NAALADL2: variants seen among roughly 807,000 people sequenced by gnomAD.
The protein encoded by NAALADL2 is N-acetylated alpha-linked acidic dipeptidase like 2.
Under a neutral mutation model 87.2 loss-of-function variants are expected in NAALADL2, and 76 were observed. The observed-to-expected ratio is 0.87, with a 90% confidence interval of 0.72 to 1.05. The LOEUF (loss-of-function observed/expected upper bound fraction) is 1.05. Ranked by LOEUF, NAALADL2 falls within the 50% of genes least tolerant of loss-of-function variation. NAALADL2 has a pLI of 0.00. For synonymous variants in NAALADL2, 354 were observed against 331.0 expected (o/e 1.07, Z -0.75); for missense variants, 1,089 against 945.8 (o/e 1.15, Z -1.99).
chr3:174,824,613 A>G (rs1388594231), intron 3 of NAALADL2, among the ~76,000 whole-genome samples: 1 of 152,230 alleles, frequency 6.6e-6, no homozygotes, highest in African/African-American at 2.4e-5. Context: ...AATGAATATA[A>G]TAAAGTTAGT....
chr3:175,796,164 A>G (rs1190920545), intron 13 of NAALADL2, among the ~76,000 whole-genome samples: 2 of 151,610 alleles, frequency 1.3e-5, no homozygotes, highest in African/African-American at 2.4e-5. Context: ...GTAGCTTGCC[A>G]AAACTGTGGG....
intron 9 of NAALADL2, among the ~76,000 whole-genome samples, chr3:175,509,048 G>A (rs991885523): frequency 1.3e-5 from 2 of 151,776 alleles, no homozygotes; most frequent in Admixed American, 6.6e-5. Context: ...CCCAGGAGAC[G>A]GACGTTGTAG....
chr3:175,092,499 G>C (rs1327917925), intron 1 of NAALADL2, among the ~76,000 whole-genome samples: 1 of 151,762 alleles, frequency 6.6e-6, no homozygotes, highest in Admixed American at 6.6e-5. Context: ...GCCAGACACT[G>C]TGTTAGGCTA....
chr3:175,745,878 G>A (rs973506796), intron 12 of NAALADL2, among the ~76,000 whole-genome samples: 5 of 152,050 alleles, frequency 3.3e-5, no homozygotes, highest in Admixed American at 6.5e-5. Flanking sequence ...TAATGTCTGC[G>A]TAATTCTGAT....
intron 5 of NAALADL2, among the ~76,000 whole-genome samples, chr3:175,353,793 C>T (rs898451657): frequency 2.6e-5 from 4 of 152,142 alleles, no homozygotes; most frequent in African/African-American, 9.7e-5. Context: ...CATATTTTGT[C>T]ACACTGTTTA....
chr3:174,541,223 A>T (rs1722191414), intron 1 of NAALADL2, among the ~76,000 whole-genome samples: 1 of 152,186 alleles, frequency 6.6e-6, no homozygotes, highest in Non-Finnish European at 1.5e-5. Context: ...CACACTTCAC[A>T]TTCAATTTAA....
intron 3 of NAALADL2, among the ~76,000 whole-genome samples, chr3:174,824,408 G>T (rs190307086): frequency 6.6e-6 from 1 of 152,106 alleles, no homozygotes; most frequent in Non-Finnish European, 1.5e-5. Flanking sequence ...GATTTCGATT[G>T]TGAATTTAAG....
chr3:175,784,972 A>G (rs1302656284), intron 13 of NAALADL2, among the ~76,000 whole-genome samples: 2 of 148,484 alleles, frequency 1.3e-5, no homozygotes, highest in Non-Finnish European at 2.9e-5. Context: ...CCCAGTAGTC[A>G]TTCAGGAGCA....
intron 2 of NAALADL2, among the ~76,000 whole-genome samples, chr3:174,735,746 G>T (rs1207282732): frequency 1.3e-4 from 20 of 152,024 alleles, no homozygotes; most frequent in Non-Finnish European, 1.9e-4. Context: ...TTTATTTCTT[G>T]TAGAGATAGG....
intron 2 of NAALADL2, among the ~76,000 whole-genome samples, chr3:174,662,265 T>C (rs1009595625): frequency 1.3e-5 from 2 of 152,192 alleles, no homozygotes; most frequent in African/African-American, 4.8e-5. Context: ...CTGAACTCTT[T>C]GATCTTATTA....
intron 1 of NAALADL2, among the ~76,000 whole-genome samples, chr3:174,906,391 A>G (rs1485930449): frequency 6.6e-6 from 1 of 152,100 alleles, no homozygotes; most frequent in Non-Finnish European, 1.5e-5. Context: ...CTAATAGAAT[A>G]CAGAATGATT....
intron 2 of NAALADL2, among the ~76,000 whole-genome samples, chr3:174,605,125 G>T (rs1718866147): frequency 6.6e-6 from 1 of 152,128 alleles, no homozygotes; most frequent in Non-Finnish European, 1.5e-5. Context: ...ATTTAAAGCT[G>T]ATTACAACAT....
intron 1 of NAALADL2, chr3:175,059,934 T>C: frequency 2.4e-6 from 1 of 416,278 alleles, no homozygotes; most frequent in South Asian, 2.0e-5. Context: ...CCACATCTGC[T>C]TGTGGTGGCA....
intron 1 of NAALADL2, among the ~76,000 whole-genome samples, chr3:175,062,486 G>GTGTA (rs1163739246): frequency 4.4e-5 from 6 of 137,208 alleles, no homozygotes; most frequent in African/African-American, 2.0e-4. Flanking sequence ...CTGTGTGTGT[G>GTGTA]TGTGTGTGTG....
At chr3:174,743,261 T>G (rs1479555593) in intron 3 of NAALADL2, among the ~76,000 whole-genome samples, 1 of 151,770 alleles carries the variant, frequency 6.6e-6, no homozygotes, top group Non-Finnish European at 1.5e-5. Context: ...GGGTCTTTTG[T>G]TTCTCTGAAT....
At chr3:174,793,427 G>T (rs1178520350) in intron 3 of NAALADL2, among the ~76,000 whole-genome samples, 1 of 152,060 alleles carries the variant, frequency 6.6e-6, no homozygotes, top group Non-Finnish European at 1.5e-5. Flanking sequence ...CTTTCATTCA[G>T]TAAATAGTTA....
At chr3:174,790,204 G>A (rs76655187) in intron 3 of NAALADL2, among the ~76,000 whole-genome samples, 1,912 of 152,192 alleles carry the variant, frequency 0.013, 31 homozygotes, top group East Asian at 0.072. Context: ...AGTCAAGATC[G>A]GGGAATCTCC....
intron 11 of NAALADL2, among the ~76,000 whole-genome samples, chr3:175,686,687 G>A (rs1038979350): frequency 1.4e-4 from 21 of 151,810 alleles, no homozygotes; most frequent in Admixed American, 2.6e-4. Flanking sequence ...TATTTTCTTC[G>A]TGAAGATTTA....
intron 11 of NAALADL2, among the ~76,000 whole-genome samples, chr3:175,722,697 C>A (rs183899067): frequency 3.4e-4 from 51 of 152,150 alleles, no homozygotes; most frequent in African/African-American, 1.1e-3. Flanking sequence ...TGTATCATTA[C>A]CAGTAATGCA....
Sources: allele counts gnomAD v4.1 joint callset (sites outside exome capture counted in the v4.1 genomes callset), GRCh38; gene constraint gnomAD v4.1.1; transcripts MANE v1.5; gene names NCBI Gene and HGNC (gene_info 2026-07-23, HGNC 2026-07-21).